Variants in LAMA3 observed in about 807,000 individuals in gnomAD.
LAMA3 encodes laminin subunit alpha-3.
LAMA3 carries 281 observed loss-of-function variants against 402.0 expected under a neutral mutation model. The ratio of observed to expected loss-of-function variants is 0.70; its 90% CI spans 0.63 to 0.77. The LOEUF (loss-of-function observed/expected upper bound fraction) is 0.77, where lower values mean the gene tolerates loss of function less well. Ranked by LOEUF, LAMA3 falls within the 30% of genes least tolerant of loss-of-function variation. LAMA3 has a pLI of 0.00. For synonymous variants in LAMA3, 1,431 were observed against 1,558.4 expected, an observed-to-expected ratio of 0.92 and a Z score of 1.93; for missense variants, 3,840 against 4,215.5, an observed-to-expected ratio of 0.91 and a Z score of 2.47.
At chr18:23,720,883 G>A (rs1213012913) in intron 2 of LAMA3, among the ~76,000 whole-genome samples, 1 of 152,174 alleles carries the variant, frequency 6.6e-6, no homozygotes, top group African/African-American at 2.4e-5. Flanking sequence ...CATTCTGGGT[G>A]CAGTGTCTCA....
chr18:23,902,766 A>G (rs910175259), intron 48 of LAMA3, among the ~76,000 whole-genome samples: 1 of 152,220 alleles, frequency 6.6e-6, no homozygotes, highest in Non-Finnish European at 1.5e-5. Context: ...CCCCTACTGT[A>G]GAAACCTTCT....
intron 70 of LAMA3, among the ~76,000 whole-genome samples, chr18:23,947,549 G>T (rs1216714521): frequency 6.6e-6 from 1 of 152,112 alleles, no homozygotes; most frequent in East Asian, 1.9e-4. Context: ...CCAGGGCTCA[G>T]CCTGGCCCTC....
intron 12 of LAMA3, among the ~76,000 whole-genome samples, chr18:23,805,039 A>G (rs2062935311): frequency 6.6e-6 from 1 of 152,214 alleles, no homozygotes. Flanking sequence ...ATAGCAACAT[A>G]AAAATAGCCT....
At chr18:23,838,114 G>A (rs2063623343) in intron 25 of LAMA3, among the ~76,000 whole-genome samples, 1 of 152,078 alleles carries the variant, frequency 6.6e-6, no homozygotes, top group African/African-American at 2.4e-5. Context: ...AGGCAGGGGT[G>A]TTGTCCATCT....
intron 18 of LAMA3, 82 bp from the exon 19 acceptor site, chr18:23,819,759 A>G (rs1053340053): frequency 6.6e-6 from 8 of 1,218,504 alleles, no homozygotes; most frequent in Non-Finnish European, 8.5e-6. Context: ...GAGTTCTTTC[A>G]TAGTAACTAT....
chr18:23,904,296 T>C (rs2145151153), intron 50 of LAMA3, among the ~76,000 whole-genome samples: 1 of 152,204 alleles, frequency 6.6e-6, no homozygotes, highest in Non-Finnish European at 1.5e-5. Context: ...TGGGCACAGC[T>C]ACAGAGGCCA....
At chr18:23,914,897 A>T in intron 58 of LAMA3, 37 bp downstream of exon 58, 1 of 1,538,258 alleles carries the variant, frequency 6.5e-7, no homozygotes, top group Non-Finnish European at 9.0e-7. Context: ...TTAAATATTA[A>T]AATTTTAATT....
chr18:23,952,558 G>A (rs1031699958), intron 73 of LAMA3, among the ~76,000 whole-genome samples: 2 of 152,156 alleles, frequency 1.3e-5, no homozygotes, highest in Admixed American at 1.3e-4. Context: ...AACATGAGAG[G>A]AATTTTGTGT....
At chr18:23,900,840 C>T (rs557285018) in intron 47 of LAMA3, among the ~76,000 whole-genome samples, 86 of 152,270 alleles carry the variant, frequency 5.6e-4, no homozygotes, top group African/African-American at 1.9e-3. Flanking sequence ...GTCCTAAGCC[C>T]GACTGGCCAT....
intron 39 of LAMA3, among the ~76,000 whole-genome samples, chr18:23,877,757 T>A (rs1479332706): frequency 6.6e-6 from 1 of 152,200 alleles, no homozygotes; most frequent in Non-Finnish European, 1.5e-5. Flanking sequence ...AGTATTCCTA[T>A]AGAATAGTTC....
chr18:23,721,513 T>G (rs1431470826), intron 2 of LAMA3, among the ~76,000 whole-genome samples: 1 of 152,178 alleles, frequency 6.6e-6, no homozygotes, highest in Non-Finnish European at 1.5e-5. Flanking sequence ...CTCAGTAGCT[T>G]CATATTGGCC....
At chr18:23,719,716 T>C (rs2061175976) in intron 2 of LAMA3, among the ~76,000 whole-genome samples, 1 of 151,910 alleles carries the variant, frequency 6.6e-6, no homozygotes, top group Admixed American at 6.6e-5. Context: ...TATGAGACTT[T>C]GGTGGGTGAA....
At chr18:23,905,809 G>A (rs950117678) in intron 52 of LAMA3, among the ~76,000 whole-genome samples, 185 bp downstream of exon 52, 1 of 152,114 alleles carries the variant, frequency 6.6e-6, no homozygotes, top group Non-Finnish European at 1.5e-5. Flanking sequence ...CCGTTGCCCA[G>A]GCTGGAGTGC....
intron 8 of LAMA3, among the ~76,000 whole-genome samples, chr18:23,769,232 G>A (rs967727590): frequency 6.6e-6 from 1 of 151,804 alleles, no homozygotes; most frequent in East Asian, 1.9e-4. Context: ...CCCTTTTATG[G>A]TAATACAATG....
intron 5 of LAMA3, 43 bp from the exon 6 acceptor site, chr18:23,753,678 C>T: frequency 2.0e-6 from 3 of 1,484,688 alleles, no homozygotes. Flanking sequence ...AAGTTTTTGT[C>T]ACTGTTCAGT....
rs1335210372 is a variant in LAMA3 at position 23,815,534 on chromosome 18, T to C, written c.2008T>C (p.Tyr670His). ...TTCCTGCGACACCTGTGAAGATGGA[T>C]ATTTTGCTTTGGAAAAGAGCAATTA... is the stretch of plus-strand genomic sequence containing the variant. The part of the protein sequence containing the change: ...GDSCDTCEDG[Y>H]FALEKSNYFG... Residue 670 changes from tyrosine (Y) to histidine (H), a missense_variant, in exon 17 of 75, where the codon TAT (tyrosine) becomes CAT (histidine). By Grantham distance (83) the Tyr-to-His change is moderately conservative (BLOSUM62 2). Transcript: ENST00000313654. 3.7e-6 allele frequency: 6 copies of C among 1,614,090 alleles called. No homozygotes were observed. Among genetic ancestry groups the C allele is most frequent in the Non-Finnish European group, 5.1e-6 (6 of 1,180,030 alleles).
intron 49 of LAMA3, among the ~76,000 whole-genome samples, chr18:23,903,705 G>C (rs2081149198): frequency 1.3e-5 from 2 of 152,032 alleles, no homozygotes; most frequent in Admixed American, 6.6e-5. Context: ...GTTACTAAAG[G>C]GTTTCTCACC....
intron 19 of LAMA3, 104 bp downstream of exon 19, chr18:23,820,101 T>A: frequency 8.8e-7 from 1 of 1,140,962 alleles, no homozygotes; most frequent in Non-Finnish European, 1.3e-6. Context: ...CAGAACTGAT[T>A]CCACGATTCT....
intron 32 of LAMA3, among the ~76,000 whole-genome samples, chr18:23,850,725 A>G (rs1344747168): frequency 6.6e-6 from 1 of 152,192 alleles, no homozygotes; most frequent in Non-Finnish European, 1.5e-5. Flanking sequence ...GAAAAAGTAA[A>G]TTTGCATCTG....
Sources: allele counts gnomAD v4.1 joint callset (sites outside exome capture counted in the v4.1 genomes callset), GRCh38; gene constraint gnomAD v4.1.1; transcripts MANE v1.5; gene names NCBI Gene and HGNC (gene_info 2026-07-23, HGNC 2026-07-21).